Variants in LRBA observed in about 807,000 individuals in gnomAD.
LRBA encodes lipopolysaccharide-responsive and beige-like anchor protein.
A neutral mutation model predicts 330.0 loss-of-function variants in LRBA; 176 were observed. The observed-to-expected ratio is 0.53, with a 90% CI of 0.47 to 0.60. The LOEUF is 0.60. Ranked by LOEUF, LRBA falls within the 20% of genes least tolerant of loss-of-function variation. LRBA has a pLI of 0.00. For missense variants in LRBA, 3,259 were observed against 3,444.8 expected, an observed-to-expected ratio of 0.95 and a Z score of 1.35; for synonymous variants, 1,230 against 1,193.0, an observed-to-expected ratio of 1.03 and a Z score of -0.64.
chr4:150,668,328 T>C (rs1411982195), intron 37 of LRBA, among the ~76,000 whole-genome samples: 4 of 152,298 alleles, frequency 2.6e-5, no homozygotes, highest in African/African-American at 9.6e-5. Context: ...AATTCATTAG[T>C]GGGTCTGGAG....
intron 47 of LRBA, among the ~76,000 whole-genome samples, chr4:150,367,570 G>C (rs538923571): frequency 6.6e-6 from 1 of 152,178 alleles, no homozygotes; most frequent in Non-Finnish European, 1.5e-5. Flanking sequence ...CAACTACAGC[G>C]TAAGTAGCAC....
intron 36 of LRBA, among the ~76,000 whole-genome samples, chr4:150,700,872 T>G (rs1785055665): frequency 6.6e-6 from 1 of 151,814 alleles, no homozygotes; most frequent in Non-Finnish European, 1.5e-5. Context: ...ATTCTCCCAC[T>G]TCAGCTTTCT....
chr4:150,835,357 C>T (rs1380409449), intron 28 of LRBA, among the ~76,000 whole-genome samples: 5 of 152,092 alleles, frequency 3.3e-5, no homozygotes, highest in South Asian at 2.1e-4. Flanking sequence ...CATTGGTAGC[C>T]TGATGGGGAT....
rs113797797 is a variant in LRBA, at chr4:150,269,538, T to C, written c.8469-3726A>G. Among the ~76,000 whole-genome samples, 702 of 152,278 alleles carry C rather than the reference T, an allele frequency of 4.6e-3. 5 individuals are homozygous for C. The highest frequency in any genetic ancestry group is 0.016 in the African/African-American group (645 of 41,554). ...ACTATAAAACTTTTAGATGAAAACATATGGGAAAACCTTCATGACCTTGGA... is the reference window on the plus strand; with the variant it reads ...ACTATAAAACTTTTAGATGAAAACACATGGGAAAACCTTCATGACCTTGGA... On this transcript the variant is annotated intron_variant, in intron 56 of 56. Transcript: ENST00000651943.
Position 150,549,574 on chromosome 4 carries a change from G to A in LRBA, c.6330+38474C>T, listed in dbSNP as rs552319055. On this transcript the variant is annotated intron_variant, in intron 40 of 56. Transcript: ENST00000651943. ...TCTCGAACTCCTGACCTCATGATCTGCCCGCCTCGGCCTCCCAAAATGCTG... is the reference window on the plus strand; with the variant it reads ...TCTCGAACTCCTGACCTCATGATCTACCCGCCTCGGCCTCCCAAAATGCTG... 3.3e-5 allele frequency among the ~76,000 whole-genome samples: 5 copies of A among 152,136 alleles called. No homozygotes were observed. The South Asian group carries it at 6.2e-4, about 19-fold the overall frequency.
intron 40 of LRBA, among the ~76,000 whole-genome samples, chr4:150,523,207 G>A (rs899641196): frequency 2.7e-4 from 41 of 152,256 alleles, no homozygotes; most frequent in Admixed American, 1.6e-3. Context: ...TGTATTTTGC[G>A]GTGGGAATGC....
intron 37 of LRBA, among the ~76,000 whole-genome samples, chr4:150,653,251 T>G (rs539355664): frequency 6.6e-6 from 1 of 152,214 alleles, no homozygotes; most frequent in African/African-American, 2.4e-5. Flanking sequence ...GATAAACATA[T>G]GATTCTCAAA....
intron 37 of LRBA, among the ~76,000 whole-genome samples, chr4:150,604,726 A>C (rs376258883): frequency 6.6e-6 from 1 of 152,282 alleles, no homozygotes. Context: ...CATGCCCTGG[A>C]GTTATGCAAT....
chr4:150,823,038 C>A (rs1745695114), intron 30 of LRBA, among the ~76,000 whole-genome samples: 2 of 152,172 alleles, frequency 1.3e-5, no homozygotes, highest in South Asian at 4.1e-4. Flanking sequence ...TACACTCCCA[C>A]CAACAGTATA....
rs1561387612 is a variant in LRBA, at chr4:150,583,790, T to C, written c.6330+4258A>G. 1 of 1,614,190 alleles carries C rather than the reference T, an allele frequency of 6.2e-7. No individual in the cohort carries two copies. Among genetic ancestry groups the C allele is most frequent in the Admixed American group, 1.7e-5 (1 of 60,034 alleles). On this transcript the variant is annotated intron_variant, in intron 40 of 56. Transcript: ENST00000651943. This position sits in a 1 kb window ranked among gnomAD's most constrained non-coding sequence, Gnocchi z 9.8. ...TGCCGAAACAAGTGCCTCTCAGTGCTGAAGACTCTGCGGGACCGCCACCTG... is the reference window on the plus strand; with the variant it reads ...TGCCGAAACAAGTGCCTCTCAGTGCCGAAGACTCTGCGGGACCGCCACCTG...
chr4:150,770,686 A>T (rs1736441506), intron 34 of LRBA, among the ~76,000 whole-genome samples: 1 of 152,030 alleles, frequency 6.6e-6, no homozygotes, highest in Admixed American at 6.6e-5. Flanking sequence ...ATGTGATCAC[A>T]GTTGGTATCT....
At chr4:150,741,313 A>G (rs1285719178) in intron 35 of LRBA, among the ~76,000 whole-genome samples, 3 of 152,170 alleles carry the variant, frequency 2.0e-5, no homozygotes, top group Non-Finnish European at 4.4e-5. Flanking sequence ...CCTCTTACAA[A>G]TAAAAGAAAA....
At position 150,311,818 on chromosome 4, in the gene LRBA, A is replaced by G. The variant is rs192789441; in HGVS notation, c.7694-1434T>C. Among the ~76,000 whole-genome samples, 653 of 152,328 alleles carry G rather than the reference A, an allele frequency of 4.3e-3. 1 individual carries two copies. The highest frequency in any genetic ancestry group is 7.2e-3 in the Non-Finnish European group (492 of 68,036). The stretch of plus-strand genomic sequence containing the variant: ...AGGGAAGTTGCTGGCAGATAATAAA[A>G]GCTTTTGTGGATATCATAGTGTTAC... On this transcript the variant is annotated intron_variant, in intron 51 of 56. Coordinates refer to ENST00000651943, the MANE Select transcript of LRBA (RefSeq NM_001364905.1).
intron 56 of LRBA, 139 bp downstream of exon 56, chr4:150,277,714 C>T: frequency 1.1e-6 from 1 of 874,306 alleles, no homozygotes; most frequent in Non-Finnish European, 1.8e-6. Flanking sequence ...GTTGCCCAGG[C>T]TGGCTTCGAA....
chr4:150,559,732 TA>T, intron 40 of LRBA, among the ~76,000 whole-genome samples: 1 of 90,198 alleles, frequency 1.1e-5, no homozygotes, highest in Non-Finnish European at 2.0e-5. Flanking sequence ...ATATAATATA[TA>T]ATATAATATA....
chr4:150,557,034 T>C (rs1315168744), intron 40 of LRBA, among the ~76,000 whole-genome samples: 1 of 152,140 alleles, frequency 6.6e-6, no homozygotes, highest in Non-Finnish European at 1.5e-5. Flanking sequence ...CATTCTTCAC[T>C]GAAAAGAATT....
chr4:150,821,289 AT>A (rs1745400844), intron 30 of LRBA, among the ~76,000 whole-genome samples: 1 of 151,930 alleles, frequency 6.6e-6, no homozygotes, highest in South Asian at 2.1e-4. Flanking sequence ...TCTTATTATC[AT>A]TTTTTTCTTT....
At position 150,559,959 on chromosome 4, in the gene LRBA, A is replaced by AAT. The variant is rs1286705401; in HGVS notation, c.6330+28087_6330+28088dup. Among the ~76,000 whole-genome samples the AAT allele has an allele frequency of 1.3e-4, 15 of 112,956 alleles. No individual in the cohort carries two copies. In the Admixed American group the frequency reaches 1.7e-3, roughly 12 times the overall value. The allele number at this position is 112,956 out of a possible 152,430, so 74.1% of individuals were successfully genotyped here. A position where few individuals can be genotyped will look rare whatever the true frequency, so the allele number is the denominator to read the frequency against. ...ATATATCTATATAAATATATATATA[A>AAT]ATATATATATTTATATAAAATAAGG... On this transcript the variant is annotated intron_variant, in intron 40 of 56. Coordinates refer to ENST00000651943, the MANE Select transcript of LRBA (RefSeq NM_001364905.1).
intron 34 of LRBA, among the ~76,000 whole-genome samples, chr4:150,794,287 C>A (rs1394082962): frequency 6.6e-6 from 1 of 151,978 alleles, no homozygotes; most frequent in African/African-American, 2.4e-5. Context: ...AGCTGGTTTG[C>A]CTTTTTTGGG....
Sources: allele counts gnomAD v4.1 joint callset (sites outside exome capture counted in the v4.1 genomes callset), GRCh38; gene constraint gnomAD v4.1.1; non-coding constraint Gnocchi (gnomAD v3.1); transcripts MANE v1.5; gene names NCBI Gene and HGNC (gene_info 2026-07-23, HGNC 2026-07-21).